CNTN5: variants seen among roughly 807,000 people sequenced by gnomAD.
The protein encoded by CNTN5 is contactin 5, also known as contactin-5.
Under a neutral mutation model 129.1 loss-of-function variants are expected in CNTN5, and 77 were observed. The observed-to-expected ratio is 0.60, with a 90% CI of 0.50 to 0.72. CNTN5 has a LOEUF of 0.72. Ranked by LOEUF, CNTN5 falls within the 30% of genes least tolerant of loss-of-function variation. The pLI is 0.00. For synonymous variants in CNTN5, 509 were observed against 465.6 expected (o/e 1.09, Z -1.20); for missense variants, 1,478 against 1,328.8 (o/e 1.11, Z -1.75).
chr11:99,790,335 A>G (rs1272442695), intron 3 of CNTN5, among the ~76,000 whole-genome samples: 2 of 151,782 alleles, frequency 1.3e-5, no homozygotes, highest in Non-Finnish European at 2.9e-5. Flanking sequence ...CTCTCCTTCC[A>G]CCTCAAGTAG....
At chr11:99,728,319 A>AT (rs1305939655) in intron 3 of CNTN5, among the ~76,000 whole-genome samples, 1 of 152,206 alleles carries the variant, frequency 6.6e-6, no homozygotes, top group Non-Finnish European at 1.5e-5. Flanking sequence ...TAAGGCCTTG[A>AT]TATTAGAACT....
At chr11:99,255,382 G>A (rs1044386123) in intron 1 of CNTN5, among the ~76,000 whole-genome samples, 9 of 151,604 alleles carry the variant, frequency 5.9e-5, no homozygotes, top group African/African-American at 2.2e-4. Flanking sequence ...ATTATTGTGG[G>A]TATTTGGAAT....
Position 100,254,169 on chromosome 11 carries a change from G to A in CNTN5, c.2006-1591G>A, listed in dbSNP as rs184938236. ...GTCAGTTTCACTTCAAAATGATACCGTCTAACCAAATTTGAACTCTAGTAC... is the reference window on the plus strand; with the variant it reads ...GTCAGTTTCACTTCAAAATGATACCATCTAACCAAATTTGAACTCTAGTAC... On this transcript the variant is annotated intron_variant, in intron 16 of 24. Transcript: ENST00000524871. Among the ~76,000 whole-genome samples the A allele has an allele frequency of 2.6e-4, 39 of 152,146 alleles. 1 individual carries two copies. In the East Asian group the frequency reaches 3.5e-3, roughly 14 times the overall value.
chr11:99,685,204 A>G lies in CNTN5; in HGVS notation c.55+128935A>G, dbSNP rs1311300456. On this transcript the variant is annotated intron_variant, in intron 3 of 24. Transcript: ENST00000524871. ...GTCAAATTTCAAGTGATTACTTTCTATGTTTTTTCTATTGCTTTAAGGCTT... is the reference window on the plus strand; with the variant it reads ...GTCAAATTTCAAGTGATTACTTTCTGTGTTTTTTCTATTGCTTTAAGGCTT... Among the ~76,000 whole-genome samples the G allele has an allele frequency of 4.0e-5, 6 of 151,578 alleles. 1 individual carries two copies. In the East Asian group the frequency reaches 1.2e-3, roughly 30 times the overall value.
intron 6 of CNTN5, among the ~76,000 whole-genome samples, chr11:99,873,442 G>A (rs369328273): frequency 6.6e-6 from 1 of 151,990 alleles, no homozygotes; most frequent in Non-Finnish European, 1.5e-5. Flanking sequence ...AAGGAATAAA[G>A]CAGCCAACCG....
At chr11:99,591,007 G>A (rs1297116832) in intron 3 of CNTN5, among the ~76,000 whole-genome samples, 1 of 152,120 alleles carries the variant, frequency 6.6e-6, no homozygotes, top group Non-Finnish European at 1.5e-5. Context: ...AATGTAAATT[G>A]TGAACCACTG....
chr11:99,055,931 G>T (rs1269727761), intron 1 of CNTN5, among the ~76,000 whole-genome samples: 1 of 151,774 alleles, frequency 6.6e-6, no homozygotes, highest in Non-Finnish European at 1.5e-5. Flanking sequence ...GTCTCCTTCG[G>T]TTTCAATTTC....
intron 8 of CNTN5, among the ~76,000 whole-genome samples, chr11:99,964,288 G>A (rs1951031932): frequency 6.6e-6 from 1 of 152,130 alleles, no homozygotes; most frequent in Non-Finnish European, 1.5e-5. Flanking sequence ...TATGGTATTG[G>A]CTGTGGGTTT....
intron 1 of CNTN5, among the ~76,000 whole-genome samples, chr11:99,138,632 A>G (rs1467537069): frequency 6.6e-6 from 1 of 152,236 alleles, no homozygotes; most frequent in African/African-American, 2.4e-5. Context: ...ACTTTTGTAT[A>G]ATGAGATTTT....
intron 2 of CNTN5, among the ~76,000 whole-genome samples, chr11:99,555,746 A>G (rs1040142905): frequency 7.9e-5 from 12 of 151,872 alleles, no homozygotes; most frequent in African/African-American, 2.9e-4. Context: ...ATCATTAGTT[A>G]TGCTCTAGAC....
At position 99,579,658 on chromosome 11, in the gene CNTN5, T is replaced by G. The variant is rs890862796; in HGVS notation, c.55+23389T>G. 1.1e-4 allele frequency among the ~76,000 whole-genome samples: 15 copies of G among 138,448 alleles called. 1 individual carries two copies. The highest frequency in any genetic ancestry group is 3.9e-4 in the African/African-American group (14 of 36,124). The allele number at this position is 138,448 out of a possible 152,430, so 90.8% of individuals were successfully genotyped here. A position where few individuals can be genotyped will look rare whatever the true frequency, so the allele number is the denominator to read the frequency against. ...TCTGTTATTGGTGTATAAGAATGCTTGTGATTTTTGCACATTGATTTTGTA... is the reference window on the plus strand; with the variant it reads ...TCTGTTATTGGTGTATAAGAATGCTGGTGATTTTTGCACATTGATTTTGTA... On this transcript the variant is annotated intron_variant, in intron 3 of 24. Transcript: ENST00000524871.
intron 1 of CNTN5, among the ~76,000 whole-genome samples, chr11:99,227,346 C>T (rs1037473274): frequency 6.7e-6 from 1 of 148,488 alleles, no homozygotes; most frequent in Non-Finnish European, 1.5e-5. Context: ...GGGGACAGAG[C>T]GAGAATCTGT....
intron 3 of CNTN5, among the ~76,000 whole-genome samples, chr11:99,660,501 A>C (rs188612346): frequency 1.4e-4 from 21 of 152,282 alleles, no homozygotes; most frequent in Non-Finnish European, 2.5e-4. Context: ...TTTACACCTC[A>C]ATAAACCTGT....
chr11:99,087,249 T>C (rs528711852), intron 1 of CNTN5, among the ~76,000 whole-genome samples: 2 of 152,326 alleles, frequency 1.3e-5, no homozygotes, highest in Admixed American at 1.3e-4. Flanking sequence ...ACCTGAGTTA[T>C]CTAAGCAGAA....
At chr11:99,224,657 A>ATTTTTTTTTTTTTTTTTTTT (rs3082693) in intron 1 of CNTN5, among the ~76,000 whole-genome samples, 1 of 108,972 alleles carries the variant, frequency 9.2e-6, no homozygotes. Flanking sequence ...CCAAGGTTGC[A>ATTTTTTTTTTTTTTTTTTTT]TTTTTTTTTT....
At chr11:99,292,341 T>C (rs1864205257) in intron 1 of CNTN5, among the ~76,000 whole-genome samples, 1 of 151,228 alleles carries the variant, frequency 6.6e-6, no homozygotes, top group Non-Finnish European at 1.5e-5. Context: ...TAGGTCAAAG[T>C]AATACTAAAT....
chr11:100,230,668 A>G (rs1949468914), intron 16 of CNTN5, among the ~76,000 whole-genome samples: 1 of 152,196 alleles, frequency 6.6e-6, no homozygotes, highest in Non-Finnish European at 1.5e-5. Flanking sequence ...AATCAATACA[A>G]ACTAAATCTC....
intron 3 of CNTN5, among the ~76,000 whole-genome samples, chr11:99,569,212 A>C (rs2135571959): frequency 6.6e-6 from 1 of 152,320 alleles, no homozygotes; most frequent in Admixed American, 6.5e-5. Flanking sequence ...TAGATAAAAT[A>C]TCTATCTGTT....
At chr11:99,693,967 A>T (rs1003663628) in intron 3 of CNTN5, among the ~76,000 whole-genome samples, 1 of 152,144 alleles carries the variant, frequency 6.6e-6, no homozygotes, top group African/African-American at 2.4e-5. Context: ...TACATAATGT[A>T]TAAACATTCA....
Sources: allele counts gnomAD v4.1 joint callset (sites outside exome capture counted in the v4.1 genomes callset), GRCh38; gene constraint gnomAD v4.1.1; transcripts MANE v1.5; gene names NCBI Gene and HGNC (gene_info 2026-07-23, HGNC 2026-07-21).